The following DLC1 variants were observed in gnomAD, a reference collection of about 807,000 sequenced individuals.
The protein encoded by DLC1 is DLC1 Rho GTPase activating protein, also known as rho GTPase-activating protein 7.
Under a neutral mutation model 140.3 loss-of-function variants are expected in DLC1, and 54 were observed. That is an observed-to-expected ratio of 0.38 (90% CI 0.31 to 0.48). The LOEUF is 0.48. Ranked by LOEUF, DLC1 falls within the 20% of genes least tolerant of loss-of-function variation. DLC1 has a pLI of 0.96. For missense variants in DLC1, 2,536 were observed against 1,907.0 expected (o/e 1.33, Z -6.14); for synonymous variants, 986 against 728.1 (o/e 1.35, Z -5.70).
intron 5 of DLC1, among the ~76,000 whole-genome samples, chr8:13,203,634 TC>T (rs1302392219): frequency 6.6e-6 from 1 of 152,242 alleles, no homozygotes; most frequent in South Asian, 2.1e-4. Context: ...TCAGTTTTCT[TC>T]TACGAATGTC....
At position 13,246,659 on chromosome 8, in the gene DLC1, T is replaced by A. The variant is rs78566206; in HGVS notation, c.1348+58610A>T. Among the ~76,000 whole-genome samples the A allele has an allele frequency of 2.1e-5, 3 of 144,834 alleles. No individual in the cohort carries two copies. In the East Asian group the frequency reaches 6.3e-4, roughly 31 times the overall value. On this transcript the variant is annotated intron_variant, in intron 5 of 17. Transcript: ENST00000276297. Reference sequence around the variant, plus strand: ...TACAAAGGTATAGTACGACAAATGCTTTTTTTTTTTTCTACGCGACCACAT... The same window carrying A: ...TACAAAGGTATAGTACGACAAATGCATTTTTTTTTTTCTACGCGACCACAT...
At chr8:13,561,797 A>T (rs990148601) in intron 1 of DLC1, among the ~76,000 whole-genome samples, 1 of 152,220 alleles carries the variant, frequency 6.6e-6, no homozygotes, top group African/African-American at 2.4e-5. Context: ...CAAGACAAAG[A>T]TAAATATCCA....
chr8:13,520,843 A>G (rs1802743301), intron 1 of DLC1, among the ~76,000 whole-genome samples: 1 of 152,048 alleles, frequency 6.6e-6, no homozygotes, highest in South Asian at 2.1e-4. Flanking sequence ...CTTCCTTTTT[A>G]TGTGAATACT....
At chr8:13,573,101 C>G (rs62493192) in intron 1 of DLC1, among the ~76,000 whole-genome samples, 4 of 152,210 alleles carry the variant, frequency 2.6e-5, no homozygotes, top group Non-Finnish European at 4.4e-5. Flanking sequence ...TTCCAATTCA[C>G]GCACATTGAT....
chr8:13,431,482 CAAAAAAAAAAAAAAAAA>C (rs56057254), intron 2 of DLC1, among the ~76,000 whole-genome samples: 15 of 40,596 alleles, frequency 3.7e-4, no homozygotes, highest in Admixed American at 8.5e-4. Flanking sequence ...GACTCCGTCT[CAAAAAAAAAAAAAAAAA>C]AAAAAAAAAA....
chr8:13,566,814 G>A lies in DLC1; in HGVS notation c.-126+37723C>T, dbSNP rs370147338. ...AAGGCGGGACGCCGCATGGTGGCCA[G>A]TCACTGCGCATGAGCGGCCCGCGTT... is the stretch of plus-strand genomic sequence containing the variant. On this transcript the variant is annotated intron_variant, in intron 1 of 1. Transcript: ENST00000631382. The A allele has an allele frequency of 3.1e-4, 242 of 773,878 alleles. No homozygotes were observed. The East Asian group carries it at 4.8e-3, about 15-fold the overall frequency. 47.9% of individuals were successfully genotyped at this position (773,878 alleles called of 1,614,324 possible). A position where few individuals can be genotyped will look rare whatever the true frequency, so the allele number is the denominator to read the frequency against.
intron 5 of DLC1, among the ~76,000 whole-genome samples, chr8:13,195,452 G>T (rs927475895): frequency 7.2e-5 from 11 of 152,168 alleles, no homozygotes; most frequent in African/African-American, 2.7e-4. Context: ...AAGTGGAAGC[G>T]AGTGTGAGTA....
intron 5 of DLC1, among the ~76,000 whole-genome samples, chr8:13,212,164 T>G (rs1029570718): frequency 3.9e-5 from 6 of 152,196 alleles, no homozygotes; most frequent in African/African-American, 1.4e-4. Context: ...ATTAAGTTTA[T>G]ATTACAGAGG....
intron 2 of DLC1, among the ~76,000 whole-genome samples, chr8:13,491,789 A>G (rs866641101): frequency 2.6e-5 from 4 of 152,192 alleles, no homozygotes; most frequent in Admixed American, 2.0e-4. Flanking sequence ...TATGTGGCCA[A>G]TGGTGGTGGT....
intron 1 of DLC1, among the ~76,000 whole-genome samples, chr8:13,582,465 G>A (rs776633615): frequency 6.6e-6 from 1 of 152,066 alleles, no homozygotes; most frequent in African/African-American, 2.4e-5. Flanking sequence ...CGTTTAATCA[G>A]CTGCCAGCAA....
At chr8:13,190,283 T>C (rs973771078) in intron 5 of DLC1, among the ~76,000 whole-genome samples, 29 of 152,098 alleles carry the variant, frequency 1.9e-4, no homozygotes, top group African/African-American at 6.5e-4. Context: ...CTCTTGGCCA[T>C]TGCAGGCTTT....
At chr8:13,322,024 A>G (rs775850878) in intron 4 of DLC1, among the ~76,000 whole-genome samples, 1 of 152,186 alleles carries the variant, frequency 6.6e-6, no homozygotes, top group Non-Finnish European at 1.5e-5. Flanking sequence ...AAAATTAAAG[A>G]TTTATTGAAG....
chr8:13,293,525 A>G (rs547810169), intron 5 of DLC1, among the ~76,000 whole-genome samples: 1 of 152,342 alleles, frequency 6.6e-6, no homozygotes, highest in East Asian at 1.9e-4. Flanking sequence ...TTCATCTGCC[A>G]AATAAACAGA....
chr8:13,456,366 T>C (rs1799390545), intron 2 of DLC1, among the ~76,000 whole-genome samples: 1 of 152,234 alleles, frequency 6.6e-6, no homozygotes, highest in Non-Finnish European at 1.5e-5. Context: ...ATATTGCCCT[T>C]GAAAGCAGGA....
At position 13,504,405 on chromosome 8, in the gene DLC1, G is replaced by A. The variant is rs556100430; in HGVS notation, c.-125-4209C>T. ...CTCCCAAACTGTTGGGATCACAGGC[G>A]TGAGCCACCGCGCCCGGCCTTCAGA... is the stretch of plus-strand genomic sequence containing the variant. On this transcript the variant is annotated intron_variant, in intron 1 of 17. Transcript: ENST00000276297. Among the ~76,000 whole-genome samples, 15 of 152,292 alleles carry A rather than the reference G, an allele frequency of 9.8e-5. No individual in the cohort carries two copies. The South Asian group carries it at 2.7e-3, about 27-fold the overall frequency.
At chr8:13,515,793 T>C (rs1477828771), upstream of DLC1, 4 of 152,210 alleles carry the variant, frequency 2.6e-5, no homozygotes, top group Non-Finnish European at 5.9e-5. Flanking sequence ...AATAAGCTAA[T>C]GGAAACTGCA....
chr8:13,186,074 C>T (rs1433796659), intron 5 of DLC1, among the ~76,000 whole-genome samples: 2 of 151,816 alleles, frequency 1.3e-5, no homozygotes, highest in East Asian at 1.9e-4. Flanking sequence ...TCTGGCTGCC[C>T]GTAACGCTTT....
intron 4 of DLC1, among the ~76,000 whole-genome samples, chr8:13,333,947 T>C (rs1671362): frequency 0.86 from 130,284 of 152,170 alleles, 56,193 homozygotes; most frequent in East Asian, 0.95. Context: ...ATGAACAGAA[T>C]TTGAAAAGCC....
chr8:13,553,466 C>T (rs1803935058), intron 1 of DLC1, among the ~76,000 whole-genome samples: 1 of 151,592 alleles, frequency 6.6e-6, no homozygotes, highest in African/African-American at 2.4e-5. Context: ...CTCTTGATTA[C>T]ACTTGCTTCT....
Sources: gnomAD v4.1 joint callset for allele counts (sites outside exome capture counted in the v4.1 genomes callset) on GRCh38, gnomAD v4.1.1 for gene constraint, MANE v1.5 for transcripts, NCBI Gene and HGNC (gene_info 2026-07-23, HGNC 2026-07-21) for gene names.